The following ALDH1A1 variants were observed in gnomAD, a reference collection of about 807,000 sequenced individuals.
ALDH1A1 encodes the protein aldehyde dehydrogenase 1 family member A1.
ALDH1A1 carries 19 observed loss-of-function variants against 62.1 expected under a neutral mutation model. That is an observed-to-expected ratio of 0.31 (90% CI 0.21 to 0.45). The LOEUF is 0.45. Among genes scored for constraint, ALDH1A1 ranks in the 20% least tolerant of loss-of-function variants. The pLI, the probability that ALDH1A1 is intolerant of heterozygous loss-of-function variation, is 1.00. For synonymous variants in ALDH1A1, 231 were observed against 215.9 expected, an observed-to-expected ratio of 1.07 and a Z score of -0.61; for missense variants, 521 against 607.1, an observed-to-expected ratio of 0.86 and a Z score of 1.49.
chr9:72,921,545 C>CT (rs1830145765), intron 7 of ALDH1A1, among the ~76,000 whole-genome samples: 1 of 99,716 alleles, frequency 1.0e-5, no homozygotes, highest in East Asian at 3.1e-4. Context: ...TAATTATACT[C>CT]TAAGTTTTAG....
intron 1 of ALDH1A1, among the ~76,000 whole-genome samples, chr9:72,946,943 C>T (rs1475220814): frequency 6.6e-6 from 1 of 151,800 alleles, no homozygotes; most frequent in African/African-American, 2.4e-5. Context: ...AAGAGTGTTT[C>T]CCTCATTCTG....
In ALDH1A1 at chr9:72,903,283, A is replaced by C. The variant is rs533996890; in HGVS notation, c.1434-2003T>G. 4.2e-4 allele frequency among the ~76,000 whole-genome samples: 64 copies of C among 152,122 alleles called. 1 individual carries two copies. Among genetic ancestry groups the C allele is most frequent in the African/African-American group, 1.5e-3 (61 of 41,534 alleles). ...ACAGTACAGTTACACAAAGGGAGGAATTTCTGTCTTTTAACTAATCCCAGA... is the reference window on the plus strand; with the variant it reads ...ACAGTACAGTTACACAAAGGGAGGACTTTCTGTCTTTTAACTAATCCCAGA... On this transcript the variant is annotated intron_variant, in intron 12 of 12. Transcript: ENST00000297785.
chr9:72,922,553 A>G (rs1830157652), intron 7 of ALDH1A1, among the ~76,000 whole-genome samples: 1 of 152,034 alleles, frequency 6.6e-6, no homozygotes, highest in Non-Finnish European at 1.5e-5. Flanking sequence ...GGGAAGAAGA[A>G]TTGTCTTGGG....
intron 2 of ALDH1A1, among the ~76,000 whole-genome samples, chr9:72,938,169 A>C (rs1424750450): frequency 6.6e-6 from 1 of 152,096 alleles, no homozygotes; most frequent in African/African-American, 2.4e-5. Context: ...TAATTAACTA[A>C]AACACATTGT....
intron 8 of ALDH1A1, among the ~76,000 whole-genome samples, chr9:72,918,244 A>C (rs532875816): frequency 2.0e-5 from 3 of 152,320 alleles, no homozygotes; most frequent in African/African-American, 7.2e-5. Context: ...CTTGCTAGGA[A>C]AAAATATTTA....
chr9:72,918,789 T>G lies in ALDH1A1; in HGVS notation c.781A>C (p.Ser261Arg), dbSNP rs777697016. 1 of 1,613,900 alleles carries G rather than the reference T, an allele frequency of 6.2e-7. No individual in the cohort carries two copies. ...GKLIKEAAGK[S>R]NLKRVTLELG... ...TCCAGGGTCACCCTCTTCAGATTGC[T>G]TTTCCCGGCAGCTTCTTTGATCAAC... Residue 261 changes from serine (S) to arginine (R), a missense_variant, in exon 8 of 13, where the codon AGC becomes CGC. Coordinates refer to ENST00000297785, the MANE Select transcript of ALDH1A1 (RefSeq NM_000689.5).
At chr9:72,921,410 G>C (rs1461206530) in intron 7 of ALDH1A1, among the ~76,000 whole-genome samples, 1 of 150,776 alleles carries the variant, frequency 6.6e-6, no homozygotes, top group African/African-American at 2.4e-5. Flanking sequence ...AGAAAATCCA[G>C]AAAGAAGTTC....
At chr9:72,911,195 C>A (rs963736817) in intron 10 of ALDH1A1, among the ~76,000 whole-genome samples, 19 of 151,934 alleles carry the variant, frequency 1.3e-4, no homozygotes, top group African/African-American at 4.4e-4. Context: ...TATACAAAAT[C>A]AGGAAGTCTA....
intron 1 of ALDH1A1, among the ~76,000 whole-genome samples, chr9:72,942,642 G>A (rs1299470790): frequency 6.6e-6 from 1 of 152,040 alleles, no homozygotes; most frequent in Non-Finnish European, 1.5e-5. Flanking sequence ...TCACGATCTT[G>A]CTCCAACATG....
intron 1 of ALDH1A1, among the ~76,000 whole-genome samples, chr9:72,948,831 A>G (rs957335772): frequency 1.3e-5 from 2 of 151,838 alleles, no homozygotes; most frequent in African/African-American, 4.8e-5. Flanking sequence ...GTTAAATAAG[A>G]GGAAGGGAAA....
In ALDH1A1 at chr9:72,900,961, A is replaced by T. The variant is rs546077854; in HGVS notation, c.*247T>A. 2.1e-4 allele frequency: 71 copies of T among 341,390 alleles called. No homozygotes were observed. The highest frequency in any genetic ancestry group is 1.4e-3 in the African/African-American group (68 of 48,432). The allele number at this position is 341,390 out of a possible 1,614,324, so 21.1% of individuals were successfully genotyped here. A position where few individuals can be genotyped will look rare whatever the true frequency, so the allele number is the denominator to read the frequency against. ...ACATAACTATGACAAAGCTAGAGAG[A>T]TCATACATCCGAATTTGTCTTTTTT... On this transcript the variant is annotated 3_prime_UTR_variant, in exon 13 of 13. Transcript: ENST00000297785.
intron 11 of ALDH1A1, among the ~76,000 whole-genome samples, chr9:72,909,237 C>T (rs145039365): frequency 1.4e-3 from 195 of 141,286 alleles, no homozygotes; most frequent in African/African-American, 5.1e-3. Flanking sequence ...TCTCGGCTCA[C>T]TGCAACCTCC....
In ALDH1A1 at chr9:72,909,688, A is replaced by G; in HGVS notation, c.1272T>C (p.Thr424=). 1 of 1,613,952 alleles carries G rather than the reference A, an allele frequency of 6.2e-7. No individual in the cohort carries two copies. The highest frequency in any genetic ancestry group is 1.1e-5 in the South Asian group (1 of 91,078). The part of the protein sequence containing the change: ...LDDVIKRANN[T]FYGLSAGVFT... ...ACACTCCTGCTGATAAGCCATAGAA[A>G]GTATTGTTTGCTCTTTTGATCACGT... is the stretch of plus-strand genomic sequence containing the variant. Residue 424 remains threonine (T), a synonymous_variant, in exon 11 of 13, where the codon ACT becomes ACC. Transcript: ENST00000297785.
intron 6 of ALDH1A1, among the ~76,000 whole-genome samples, 194 bp from the exon 7 acceptor site, chr9:72,924,326 CATT>C (rs1216719618): frequency 1.3e-5 from 2 of 152,092 alleles, no homozygotes; most frequent in African/African-American, 4.8e-5. Flanking sequence ...TCAAGGGTTG[CATT>C]ATTAAAGGAC....
At chr9:72,936,904 C>T (rs561199742) in intron 2 of ALDH1A1, among the ~76,000 whole-genome samples, 4 of 152,224 alleles carry the variant, frequency 2.6e-5, no homozygotes, top group African/African-American at 9.6e-5. Flanking sequence ...CATTCCCTCA[C>T]CTCCTTCCCA....
At chr9:72,931,292 T>C (rs1219833058) in intron 2 of ALDH1A1, among the ~76,000 whole-genome samples, 2 of 152,232 alleles carry the variant, frequency 1.3e-5, no homozygotes, top group Admixed American at 1.3e-4. Context: ...ATCATCTGAG[T>C]GCTTGCCCTG....
intron 1 of ALDH1A1, among the ~76,000 whole-genome samples, chr9:72,946,902 G>A (rs900633148): frequency 4.6e-5 from 7 of 151,758 alleles, no homozygotes; most frequent in Non-Finnish European, 1.5e-5. Flanking sequence ...CTTTGGGTTG[G>A]TCTTCAAATG....
chr9:72,928,198 T>C (rs888655160), intron 4 of ALDH1A1, among the ~76,000 whole-genome samples: 3 of 151,742 alleles, frequency 2.0e-5, no homozygotes, highest in African/African-American at 7.3e-5. Context: ...CTAAAGTTCA[T>C]AGGTTTGCCT....
rs1829797198 is a variant in ALDH1A1 at position 72,901,094 on chromosome 9, C to T, written c.*114G>A. On this transcript the variant is annotated 3_prime_UTR_variant, in exon 13 of 13. Transcript: ENST00000297785. ...TAGTATTAATACTAATATGATTTAGCTTATGTTTAAAAAAATCAAGAAAAG... is the reference window on the plus strand; with the variant it reads ...TAGTATTAATACTAATATGATTTAGTTTATGTTTAAAAAAATCAAGAAAAG... The T allele has an allele frequency of 3.0e-6, 2 of 666,130 alleles. No homozygotes were observed. The highest frequency in any genetic ancestry group is 2.5e-6 in the Non-Finnish European group (1 of 399,106). 41.3% of individuals were successfully genotyped at this position (666,130 alleles called of 1,614,324 possible). A position where few individuals can be genotyped will look rare whatever the true frequency, so the allele number is the denominator to read the frequency against.
Sources: allele counts gnomAD v4.1 joint callset (sites outside exome capture counted in the v4.1 genomes callset), GRCh38; gene constraint gnomAD v4.1.1; transcripts MANE v1.5; gene names NCBI Gene and HGNC (gene_info 2026-07-23, HGNC 2026-07-21).